ABI3BP: variants seen among roughly 807,000 people sequenced by gnomAD.
ABI3BP encodes ABI family member 3 binding protein.
Under a neutral mutation model 268.6 loss-of-function variants are expected in ABI3BP, and 216 were observed. That is an observed-to-expected ratio of 0.80 (90% confidence interval 0.72 to 0.90). ABI3BP has a LOEUF of 0.90. Ranked by LOEUF, ABI3BP falls within the 40% of genes least tolerant of loss-of-function variation. The pLI is 0.00. For synonymous variants in ABI3BP, 730 were observed against 730.0 expected (o/e 1.00, Z 0.00); for missense variants, 2,090 against 2,182.4 (o/e 0.96, Z 0.84).
chr3:100,965,220 G>C (rs756575028), intron 1 of ABI3BP, among the ~76,000 whole-genome samples: 1 of 152,018 alleles, frequency 6.6e-6, no homozygotes, highest in Non-Finnish European at 1.5e-5. Context: ...TCCACATGAG[G>C]GGCCATGACC....
At chr3:100,963,911 A>C (rs571675326) in intron 1 of ABI3BP, among the ~76,000 whole-genome samples, 1 of 152,314 alleles carries the variant, frequency 6.6e-6, no homozygotes, top group East Asian at 1.9e-4. Context: ...TTCTTATAAA[A>C]GCCTCCTCTG....
chr3:100,939,520 C>T (rs1372355764), intron 1 of ABI3BP, among the ~76,000 whole-genome samples: 4 of 151,860 alleles, frequency 2.6e-5, no homozygotes, highest in Non-Finnish European at 5.9e-5. Context: ...TTCTGTGATG[C>T]CCCCACAAGC....
intron 40 of ABI3BP, among the ~76,000 whole-genome samples, chr3:100,819,055 A>C (rs1356360296): frequency 6.6e-6 from 1 of 152,216 alleles, no homozygotes; most frequent in Non-Finnish European, 1.5e-5. Flanking sequence ...GCACTCAGCA[A>C]ATCAGGATAA....
intron 32 of ABI3BP, among the ~76,000 whole-genome samples, chr3:100,830,110 C>CATATATATATATATATATAT (rs559297681): frequency 2.2e-5 from 1 of 44,756 alleles, no homozygotes; most frequent in African/African-American, 9.8e-5. Context: ...TACATACATA[C>CATATATATATATATATATAT]ATATATATAT....
intron 67 of ABI3BP, among the ~76,000 whole-genome samples, 178 bp from the exon 68 acceptor site, chr3:100,750,788 T>C (rs1386541333): frequency 6.6e-6 from 1 of 152,158 alleles, no homozygotes; most frequent in Admixed American, 6.5e-5. Context: ...CATGGTTGGC[T>C]AAAATGGGCA....
intron 1 of ABI3BP, among the ~76,000 whole-genome samples, chr3:100,937,702 C>A (rs1159622347): frequency 6.6e-6 from 1 of 151,970 alleles, no homozygotes; most frequent in East Asian, 1.9e-4. Context: ...TTAGCAAGTC[C>A]TTTTCAGGAA....
chr3:100,824,996 G>A, intron 35 of ABI3BP, 55 bp from the exon 36 acceptor site: 1 of 1,438,866 alleles, frequency 6.9e-7, no homozygotes, highest in Non-Finnish European at 9.3e-7. Flanking sequence ...TGGATACTGA[G>A]GAAAGGTTTT....
intron 1 of ABI3BP, among the ~76,000 whole-genome samples, chr3:100,943,439 AATCTTAACT>A (rs1329305617): frequency 6.6e-6 from 1 of 152,074 alleles, no homozygotes; most frequent in Non-Finnish European, 1.5e-5. Flanking sequence ...GAAATACATA[AATCTTAACT>A]ATACATTACT....
intron 27 of ABI3BP, among the ~76,000 whole-genome samples, chr3:100,835,985 AG>A (rs1323615748): frequency 3.9e-5 from 6 of 152,198 alleles, no homozygotes; most frequent in African/African-American, 1.4e-4. Flanking sequence ...TTGTTATAAA[AG>A]CTTCTGTTGG....
chr3:100,861,705 A>G (rs1253070618), intron 14 of ABI3BP, among the ~76,000 whole-genome samples: 1 of 152,028 alleles, frequency 6.6e-6, no homozygotes, highest in East Asian at 1.9e-4. Flanking sequence ...GGAAAAAAAA[A>G]AAAGCCAATT....
At chr3:100,927,041 T>A (rs573392292) in intron 1 of ABI3BP, among the ~76,000 whole-genome samples, 19 of 152,176 alleles carry the variant, frequency 1.2e-4, no homozygotes, top group Non-Finnish European at 2.4e-4. Context: ...TGGGAGTACA[T>A]CTGGAAATAC....
At chr3:100,874,814 G>T in intron 9 of ABI3BP, 27 bp downstream of exon 9, 1 of 1,417,920 alleles carries the variant, frequency 7.1e-7, no homozygotes, top group Non-Finnish European at 9.8e-7. Context: ...TTACTGCAAA[G>T]TTCAAATACA....
intron 2 of ABI3BP, among the ~76,000 whole-genome samples, chr3:100,905,942 C>G (rs780560988): frequency 3.3e-5 from 5 of 151,842 alleles, no homozygotes; most frequent in Non-Finnish European, 4.4e-5. Flanking sequence ...ATTTTTTTTC[C>G]ATGTTTTTGA....
chr3:100,768,117 C>T (rs1423931502), intron 62 of ABI3BP, among the ~76,000 whole-genome samples: 1 of 127,184 alleles, frequency 7.9e-6, no homozygotes, highest in Admixed American at 9.0e-5. Flanking sequence ...GACGGAGTCT[C>T]ACACTCTGTC....
intron 61 of ABI3BP, among the ~76,000 whole-genome samples, chr3:100,772,902 A>G (rs1466345356): frequency 6.6e-6 from 1 of 152,002 alleles, no homozygotes; most frequent in Non-Finnish European, 1.5e-5. Flanking sequence ...AACATGGTGA[A>G]ACCACATCTC....
Position 100,926,403 on chromosome 3 carries a change from T to C in ABI3BP, c.158A>G (p.Asn53Ser). 6.2e-7 allele frequency: 1 copy of C among 1,613,430 alleles called. No individual in the cohort carries two copies. The highest frequency in any genetic ancestry group is 1.7e-5 in the Admixed American group (1 of 59,946). ...CAGGAGAAGACCTTCAAGCTTTACA[T>C]TTGGACTTGGACGCAAGAACTTCAA... ...ILLKFLRPSP[N>S]VKLEGLLLGY... Residue 53 changes from asparagine (N) to serine (S), a missense_variant, in exon 2 of 68, where the codon AAT (asparagine) becomes AGT (serine). Asn to Ser is a conservative substitution (Grantham distance 46, BLOSUM62 1). Transcript: ENST00000471714.
At chr3:100,816,498 G>A in intron 43 of ABI3BP, 190 bp downstream of exon 43, 4 of 665,032 alleles carry the variant, frequency 6.0e-6, no homozygotes, top group Admixed American at 2.2e-5. Flanking sequence ...AGGCACACAA[G>A]TGGCTCCAAG....
intron 17 of ABI3BP, 102 bp from the exon 18 acceptor site, chr3:100,848,977 ATT>A: frequency 1.1e-6 from 1 of 892,318 alleles, no homozygotes; most frequent in Non-Finnish European, 1.8e-6. Context: ...ACTGCTTTAT[ATT>A]TCCTTGTATC....
chr3:100,800,163 T>A (rs2097485813), intron 51 of ABI3BP, among the ~76,000 whole-genome samples: 1 of 152,152 alleles, frequency 6.6e-6, no homozygotes, highest in Non-Finnish European at 1.5e-5. Context: ...TTTCTCAGAC[T>A]TATCTTTCTA....
Sources: gnomAD v4.1 joint callset for allele counts (sites outside exome capture counted in the v4.1 genomes callset) on GRCh38, gnomAD v4.1.1 for gene constraint, MANE v1.5 for transcripts, NCBI Gene and HGNC (gene_info 2026-07-23, HGNC 2026-07-21) for gene names.